The following ARHGEF10L variants were observed in gnomAD, a reference collection of about 807,000 sequenced individuals.
The protein encoded by ARHGEF10L is rho guanine nucleotide exchange factor 10-like protein.
A neutral mutation model predicts 141.2 loss-of-function variants in ARHGEF10L; 69 were observed. The observed-to-expected ratio is 0.49, with a 90% CI of 0.40 to 0.60. ARHGEF10L has a LOEUF of 0.60. Among genes scored for constraint, ARHGEF10L ranks in the 20% least tolerant of loss-of-function variants. The pLI, the probability that ARHGEF10L is intolerant of heterozygous loss-of-function variation, is 0.00. For synonymous variants in ARHGEF10L, 711 were observed against 718.5 expected (o/e 0.99, Z 0.17); for missense variants, 1,482 against 1,734.3 (o/e 0.85, Z 2.58).
chr1:17,630,661 C>A (rs1478579595), intron 15 of ARHGEF10L, among the ~76,000 whole-genome samples: 1 of 152,180 alleles, frequency 6.6e-6, no homozygotes, highest in Non-Finnish European at 1.5e-5. Flanking sequence ...TGGGTCTCAG[C>A]GAGTCACTTT....
intron 15 of ARHGEF10L, among the ~76,000 whole-genome samples, chr1:17,629,495 G>C (rs1033604943): frequency 1.3e-5 from 2 of 152,072 alleles, no homozygotes; most frequent in Admixed American, 1.3e-4. Context: ...ACTTCCCCTT[G>C]GTTCCTACCC....
In ARHGEF10L at chr1:17,539,876, T is replaced by TGGAGGCGCGGCGCC. The variant is rs2076650527; in HGVS notation, c.-115_-102dup. ...GGGCGCCCGCGGCGGCCTGCGGAGC[T>TGGAGGCGCGGCGCC]GGAGGCGCGGCGCCGGCCGCCAGGC... On this transcript the variant is annotated 5_prime_UTR_variant, in exon 1 of 29. The change abolishes the stop of an existing upstream ORF in the 5' untranslated region. Transcript: ENST00000361221. The surrounding 1 kb of genome is among the most constrained non-coding windows in gnomAD (Gnocchi z 6.0). The TGGAGGCGCGGCGCC allele has an allele frequency of 6.7e-6, 1 of 148,766 alleles. No individual in the cohort carries two copies. The allele number at this position is 148,766 out of a possible 1,614,324, so 9.2% of individuals were successfully genotyped here.
the ARHGEF10L span, among the ~76,000 whole-genome samples, chr1:17,525,422 C>T: frequency 2.0e-5 from 3 of 152,206 alleles, no homozygotes; most frequent in Non-Finnish European, 4.4e-5. Flanking sequence ...ATTCTTCACG[C>T]CCTGCATGAC....
At chr1:17,535,249 C>T (rs1382863471), upstream of ARHGEF10L, among the ~76,000 whole-genome samples, 1 of 152,110 alleles carries the variant, frequency 6.6e-6, no homozygotes, top group African/African-American at 2.4e-5. Context: ...GCTTGTGGTC[C>T]TCTGAGAATC....
At chr1:17,565,895 G>C (rs997157596) in intron 1 of ARHGEF10L, among the ~76,000 whole-genome samples, 1 of 152,012 alleles carries the variant, frequency 6.6e-6, no homozygotes, top group African/African-American at 2.4e-5. Flanking sequence ...CCTGTATTGC[G>C]GATGCTGGGC....
In ARHGEF10L at chr1:17,644,837, G is replaced by C. The variant is rs75649705; in HGVS notation, c.2273-3717G>C. Among the ~76,000 whole-genome samples the C allele has an allele frequency of 7.3e-3, 1,107 of 152,234 alleles. 41 individuals are homozygous for C. The highest frequency in any genetic ancestry group is 0.062 in the Admixed American group (953 of 15,286). On this transcript the variant is annotated intron_variant, in intron 21 of 28. Coordinates refer to ENST00000361221, the MANE Select transcript of ARHGEF10L (RefSeq NM_018125.4). This position sits in a 1 kb window ranked among gnomAD's most constrained non-coding sequence, Gnocchi z 4.5. Reference sequence around the variant, plus strand: ...AGTGACCACCATGGCTGCTATTTCCGGAGTGCCTGGTGTCTGCTGGTCATG... The same window carrying C: ...AGTGACCACCATGGCTGCTATTTCCCGAGTGCCTGGTGTCTGCTGGTCATG...
chr1:17,589,185 C>T (rs183179767), intron 4 of ARHGEF10L, among the ~76,000 whole-genome samples: 1 of 152,064 alleles, frequency 6.6e-6, no homozygotes, highest in Admixed American at 6.5e-5. Context: ...AATGGGCTAT[C>T]GGGTAAGATG....
At chr1:17,592,631 G>C (rs1055847643) in intron 4 of ARHGEF10L, among the ~76,000 whole-genome samples, 1 of 152,182 alleles carries the variant, frequency 6.6e-6, no homozygotes, top group Non-Finnish European at 1.5e-5. Flanking sequence ...GCTAGGTGTG[G>C]GGGACATAGG....
intron 8 of ARHGEF10L, among the ~76,000 whole-genome samples, chr1:17,614,388 G>A (rs1043356642): frequency 3.3e-5 from 5 of 152,238 alleles, no homozygotes; most frequent in Admixed American, 6.5e-5. Flanking sequence ...CACACACTGT[G>A]GGAATGGGTG....
chr1:17,620,396 G>A (rs1266898099), intron 10 of ARHGEF10L, among the ~76,000 whole-genome samples: 2 of 152,200 alleles, frequency 1.3e-5, no homozygotes, highest in East Asian at 3.9e-4. Flanking sequence ...TAGGATGGTG[G>A]GTAGAGACCA....
At chr1:17,580,094 C>T (rs930590107) in intron 1 of ARHGEF10L, among the ~76,000 whole-genome samples, 7 of 152,210 alleles carry the variant, frequency 4.6e-5, no homozygotes, top group Admixed American at 1.3e-4. Flanking sequence ...GCAGGGCTAC[C>T]GGAAGGGACT....
intron 12 of ARHGEF10L, 40 bp from the exon 13 acceptor site, chr1:17,624,347 A>T: frequency 6.5e-7 from 1 of 1,526,868 alleles, no homozygotes; most frequent in Non-Finnish European, 9.1e-7. Context: ...TGCTCCCTGC[A>T]TTGAGGCGGT....
chr1:17,617,580 A>C (rs1343555485), intron 9 of ARHGEF10L, among the ~76,000 whole-genome samples: 1 of 152,232 alleles, frequency 6.6e-6, no homozygotes, highest in Non-Finnish European at 1.5e-5. Flanking sequence ...CTGGGATGCC[A>C]GTTCTCTTTG....
At chr1:17,602,345 G>A in intron 5 of ARHGEF10L, 127 bp downstream of exon 5, 7 of 1,147,298 alleles carry the variant, frequency 6.1e-6, no homozygotes, top group African/African-American at 1.6e-5. Context: ...GGGGGCTTCT[G>A]TGGCCCTGGA....
rs1368169693 is a variant in ARHGEF10L, at chr1:17,644,499, C to T, written c.2273-4055C>T. ...CCAGCTGGGAGACTGTGGCTACTTGCTTGGCCTCCCTGGACACCAGTGGCC... is the reference window on the plus strand; with the variant it reads ...CCAGCTGGGAGACTGTGGCTACTTGTTTGGCCTCCCTGGACACCAGTGGCC... On this transcript the variant is annotated intron_variant, in intron 21 of 28. Coordinates refer to ENST00000361221, the MANE Select transcript of ARHGEF10L (RefSeq NM_018125.4). This position sits in a 1 kb window ranked among gnomAD's most constrained non-coding sequence, Gnocchi z 4.5. Among the ~76,000 whole-genome samples the T allele has an allele frequency of 1.3e-5, 2 of 152,212 alleles. No individual in the cohort carries two copies. The highest frequency in any genetic ancestry group is 2.9e-5 in the Non-Finnish European group (2 of 68,034).
intron 25 of ARHGEF10L, among the ~76,000 whole-genome samples, chr1:17,661,457 T>C (rs988797878): frequency 1.3e-5 from 2 of 152,194 alleles, no homozygotes; most frequent in African/African-American, 4.8e-5. Context: ...AGTCGACTTC[T>C]TAGAGGATTT....
intron 27 of ARHGEF10L, chr1:17,691,027 T>C (rs871087): frequency 0.85 from 319,608 of 374,728 alleles, 136,674 homozygotes; most frequent in East Asian, 0.9. Context: ...AACAATTTAT[T>C]GCACTTCCTT....
At chr1:17,534,271 C>T in the ARHGEF10L span, among the ~76,000 whole-genome samples, 2 of 151,626 alleles carry the variant, frequency 1.3e-5, no homozygotes, top group African/African-American at 4.8e-5. Flanking sequence ...TACAGGCGCC[C>T]GCCTCCACGC....
chr1:17,523,412 T>C, the ARHGEF10L span, among the ~76,000 whole-genome samples: 2 of 152,120 alleles, frequency 1.3e-5, no homozygotes, highest in Non-Finnish European at 2.9e-5. Flanking sequence ...TTTTCATTTA[T>C]TGGGCACCCA....
Sources: allele counts gnomAD v4.1 joint callset (sites outside exome capture counted in the v4.1 genomes callset), GRCh38; gene constraint gnomAD v4.1.1; non-coding constraint Gnocchi (gnomAD v3.1); transcripts MANE v1.5; gene names NCBI Gene and HGNC (gene_info 2026-07-23, HGNC 2026-07-21).